Variants in STARD13 observed in about 807,000 individuals in gnomAD.
STARD13 encodes the protein StAR related lipid transfer domain containing 13, also known as stAR-related lipid transfer protein 13.
In STARD13, 62 loss-of-function variants were observed where a neutral mutation model predicts 106.4. The ratio of observed to expected loss-of-function variants is 0.58; its 90% confidence interval spans 0.48 to 0.72. STARD13 has a LOEUF of 0.72. Among genes scored for constraint, STARD13 ranks in the 30% least tolerant of loss-of-function variants. STARD13 has a pLI of 0.00. For missense variants in STARD13, 1,387 were observed against 1,424.0 expected, an observed-to-expected ratio of 0.97 and a Z score of 0.42; for synonymous variants, 565 against 553.0, an observed-to-expected ratio of 1.02 and a Z score of -0.31.
At chr13:33,332,265 C>T (rs1405223532) in intron 1 of STARD13, among the ~76,000 whole-genome samples, 1 of 152,186 alleles carries the variant, frequency 6.6e-6, no homozygotes, top group East Asian at 1.9e-4. Flanking sequence ...AACATTCTTT[C>T]TCCCAGATCT....
At chr13:33,254,726 T>A (rs2138299127) in intron 1 of STARD13, among the ~76,000 whole-genome samples, 1 of 152,278 alleles carries the variant, frequency 6.6e-6, no homozygotes, top group African/African-American at 2.4e-5. Context: ...AGGAGGGATG[T>A]CTGAATGCTG....
chr13:33,301,568 CT>C (rs11393186), intron 1 of STARD13, among the ~76,000 whole-genome samples: 26 of 72,080 alleles, frequency 3.6e-4, no homozygotes, highest in African/African-American at 1.3e-3. Flanking sequence ...CTTTTTTTTT[CT>C]TTTTTTTTTT....
chr13:33,216,289 C>T (rs1888037833), intron 1 of STARD13, among the ~76,000 whole-genome samples: 1 of 152,114 alleles, frequency 6.6e-6, no homozygotes, highest in South Asian at 2.1e-4. Context: ...GCAAAATTCG[C>T]AATTGCAAAA....
intron 1 of STARD13, among the ~76,000 whole-genome samples, chr13:33,261,952 G>A (rs17183941): frequency 0.16 from 23,849 of 152,060 alleles, 2,084 homozygotes; most frequent in Non-Finnish European, 0.19. Context: ...GGCTTTCCCT[G>A]GTGAACTCGG....
the STARD13 span, among the ~76,000 whole-genome samples, chr13:33,458,167 C>G: frequency 6.6e-6 from 1 of 152,050 alleles, no homozygotes; most frequent in Non-Finnish European, 1.5e-5. Flanking sequence ...AAGAAGGGGA[C>G]GTTGGAGAAG....
At chr13:33,597,307 T>C in the STARD13 span, among the ~76,000 whole-genome samples, 1 of 152,326 alleles carries the variant, frequency 6.6e-6, no homozygotes, top group Non-Finnish European at 1.5e-5. Flanking sequence ...TTTTTTCATA[T>C]ACTTGTTGGT....
At chr13:33,638,947 C>CT in the STARD13 span, among the ~76,000 whole-genome samples, 294 of 150,676 alleles carry the variant, frequency 2.0e-3, 1 homozygote, top group African/African-American at 5.5e-3. Context: ...TTTAGCTAAC[C>CT]TTTTTTTTTG....
chr13:33,431,179 G>A, the STARD13 span, among the ~76,000 whole-genome samples: 1 of 152,074 alleles, frequency 6.6e-6, no homozygotes, highest in Non-Finnish European at 1.5e-5. Flanking sequence ...ACATATATGT[G>A]TGTAACATGG....
the STARD13 span, among the ~76,000 whole-genome samples, chr13:33,476,662 C>T: frequency 2.6e-5 from 4 of 152,210 alleles, no homozygotes; most frequent in African/African-American, 4.8e-5. Context: ...TAGACTTATG[C>T]AGGAAGTAAC....
intron 7 of STARD13, among the ~76,000 whole-genome samples, chr13:33,119,982 C>T (rs1876018530): frequency 6.6e-6 from 1 of 152,136 alleles, no homozygotes; most frequent in African/African-American, 2.4e-5. Context: ...GGGTGAGATC[C>T]ATCTCCGATT....
intron 8 of STARD13, among the ~76,000 whole-genome samples, chr13:33,116,722 C>G (rs937065832): frequency 6.6e-6 from 1 of 152,256 alleles, no homozygotes; most frequent in Non-Finnish European, 1.5e-5. Flanking sequence ...CAACCTCTCA[C>G]AGCAACAACA....
intron 4 of STARD13, among the ~76,000 whole-genome samples, chr13:33,137,443 C>T (rs1879204375): frequency 6.6e-6 from 1 of 152,164 alleles, no homozygotes; most frequent in South Asian, 2.1e-4. Context: ...TGTGCTGATT[C>T]CCTGTTCTGG....
chr13:33,110,951 A>C, intron 10 of STARD13, 44 bp from the exon 11 acceptor site: 1 of 1,549,746 alleles, frequency 6.5e-7, no homozygotes, highest in Non-Finnish European at 8.9e-7. Context: ...TGAGCCAAAG[A>C]AACGCCGAGA....
At chr13:33,523,142 G>A in the STARD13 span, among the ~76,000 whole-genome samples, 9 of 152,014 alleles carry the variant, frequency 5.9e-5, no homozygotes, top group African/African-American at 2.2e-4. Flanking sequence ...CTTCTCCATG[G>A]ATTCAGCCAG....
the STARD13 span, among the ~76,000 whole-genome samples, chr13:33,395,595 A>G: frequency 6.6e-6 from 1 of 152,136 alleles, no homozygotes; most frequent in Non-Finnish European, 1.5e-5. Context: ...AAGACTTGGG[A>G]AAATGAATGA....
At chr13:33,455,994 G>C in the STARD13 span, among the ~76,000 whole-genome samples, 1 of 151,790 alleles carries the variant, frequency 6.6e-6, no homozygotes, top group Non-Finnish European at 1.5e-5. Flanking sequence ...AAATAACAAC[G>C]AATAATATTT....
chr13:33,625,321 C>T, the STARD13 span, among the ~76,000 whole-genome samples: 1 of 152,144 alleles, frequency 6.6e-6, no homozygotes, highest in African/African-American at 2.4e-5. Flanking sequence ...CCTGTAATCC[C>T]AGCACTTTGG....
intron 4 of STARD13, among the ~76,000 whole-genome samples, chr13:33,134,917 C>T (rs967019926): frequency 6.6e-6 from 1 of 152,202 alleles, no homozygotes; most frequent in Admixed American, 6.5e-5. Context: ...CAGATGTAAG[C>T]TTAATGTGAC....
exon 1 of STARD13, chr13:33,350,560 C>G: frequency 7.1e-7 from 1 of 1,408,808 alleles, no homozygotes; most frequent in Non-Finnish European, 9.2e-7. Flanking sequence ...TGGGTCGGTC[C>G]GGCGCTGGGA....
Sources: gnomAD v4.1 joint callset for allele counts (sites outside exome capture counted in the v4.1 genomes callset) on GRCh38, gnomAD v4.1.1 for gene constraint, MANE v1.5 for transcripts, NCBI Gene and HGNC (gene_info 2026-07-23, HGNC 2026-07-21) for gene names.